Variants in LRTM2 observed in about 807,000 individuals in gnomAD.
LRTM2 encodes leucine rich repeat transmembrane protein 2, also known as leucine-rich repeat and transmembrane domain-containing protein 2.
A neutral mutation model predicts 28.1 loss-of-function variants in LRTM2; 18 were observed. That is an observed-to-expected ratio of 0.64 (90% CI 0.44 to 0.95). LRTM2 has a LOEUF of 0.95. Among genes scored for constraint, LRTM2 ranks in the 40% least tolerant of loss-of-function variants. The pLI is 0.00. For synonymous variants in LRTM2, 250 were observed against 218.7 expected, an observed-to-expected ratio of 1.14 and a Z score of -1.26; for missense variants, 436 against 497.2, an observed-to-expected ratio of 0.88 and a Z score of 1.17.
In LRTM2 at chr12:1,821,721, C is replaced by G. The variant is rs564017974; in HGVS notation, c.-259+907C>G. Reference sequence around the variant, plus strand: ...GGACAGTTGCTCTCAATCCCCCAGACCCATTTGGACAGTGCTGGAGAGAGG... The same window carrying G: ...GGACAGTTGCTCTCAATCCCCCAGAGCCATTTGGACAGTGCTGGAGAGAGG... On this transcript the variant is annotated intron_variant, in intron 1 of 4. Coordinates refer to ENST00000299194, the MANE Select transcript of LRTM2 (RefSeq NM_001039029.3). Among the ~76,000 whole-genome samples, 324 of 152,246 alleles carry G rather than the reference C, an allele frequency of 2.1e-3. 1 individual carries two copies. The highest frequency in any genetic ancestry group is 7.6e-3 in the African/African-American group (314 of 41,540).
rs531940617 is a variant in LRTM2, at chr12:1,827,999, C to A, written c.-73-77C>A. The A allele has an allele frequency of 2.4e-4, 132 of 559,020 alleles. 1 individual carries two copies. Among genetic ancestry groups the A allele is most frequent in the Middle Eastern group, 4.9e-4 (1 of 2,060 alleles). 34.6% of individuals were successfully genotyped at this position (559,020 alleles called of 1,614,324 possible). ...GGGCATGAGGAGTGTAAAGAGACAC[C>A]CGGGCCCTCTCCCTAACCCCTGGGC... On this transcript the variant is annotated intron_variant, in intron 2 of 4. Transcript: ENST00000299194.
At position 1,834,114 on chromosome 12, in the gene LRTM2, C is replaced by T. The variant is rs577321509; in HGVS notation, c.659-153C>T. ...TCAATCAATGCTGTTTTCCCTCCTCCGCTTCCTCTTCTATAGATGGTGATT... is the reference window on the plus strand; with the variant it reads ...TCAATCAATGCTGTTTTCCCTCCTCTGCTTCCTCTTCTATAGATGGTGATT... On this transcript the variant is annotated intron_variant, in intron 4 of 4. Coordinates refer to ENST00000299194, the MANE Select transcript of LRTM2 (RefSeq NM_001039029.3). This position sits in a 1 kb window ranked among gnomAD's most constrained non-coding sequence, Gnocchi z 7.6. Among the ~76,000 whole-genome samples the T allele has an allele frequency of 2.0e-5, 3 of 152,354 alleles. No individual in the cohort carries two copies. The highest frequency in any genetic ancestry group is 2.1e-4 in the South Asian group (1 of 4,824).
At chr12:1,831,712 C>A (rs940244249) in intron 4 of LRTM2, among the ~76,000 whole-genome samples, 187 bp downstream of exon 4, 2 of 152,154 alleles carry the variant, frequency 1.3e-5, no homozygotes, top group African/African-American at 4.8e-5. Flanking sequence ...ATCACCCTTC[C>A]TGCCAATGGG....
At position 1,822,981 on chromosome 12, in the gene LRTM2, C is replaced by T. The variant is rs184969994; in HGVS notation, c.-259+2167C>T. On this transcript the variant is annotated intron_variant, in intron 1 of 4. Transcript: ENST00000299194. ...TGCAGGCCCAGGGTGTGGGCCCAGT[C>T]GTGGCTCTGCTTCTCTCTGGCCTTC... Among the ~76,000 whole-genome samples the T allele has an allele frequency of 1.3e-3, 196 of 152,334 alleles. 1 individual carries two copies. The highest frequency in any genetic ancestry group is 4.5e-3 in the African/African-American group (186 of 41,586).
rs1159919947 is a variant in LRTM2 at position 1,830,840 on chromosome 12, C to T, written c.68-95C>T. On this transcript the variant is annotated intron_variant, in intron 3 of 4. Transcript: ENST00000299194. ...TGGCTTGTGCCAAAGGAGATAAAGCCAAGAGCCTGTTATGAGCTAGAAAGG... is the reference window on the plus strand; with the variant it reads ...TGGCTTGTGCCAAAGGAGATAAAGCTAAGAGCCTGTTATGAGCTAGAAAGG... 5 of 1,048,584 alleles carry T rather than the reference C, an allele frequency of 4.8e-6. No homozygotes were observed. The East Asian group carries it at 1.1e-4, about 22-fold the overall frequency. 65.0% of individuals were successfully genotyped at this position (1,048,584 alleles called of 1,614,324 possible). A position where few individuals can be genotyped will look rare whatever the true frequency, so the allele number is the denominator to read the frequency against.
chr12:1,828,339 C>A lies in LRTM2; in HGVS notation c.67+124C>A, dbSNP rs1462072074. 7.0e-6 allele frequency: 6 copies of A among 853,704 alleles called. No homozygotes were observed. The highest frequency in any genetic ancestry group is 1.8e-5 in the African/African-American group (1 of 56,880). 52.9% of individuals were successfully genotyped at this position (853,704 alleles called of 1,614,324 possible). A position where few individuals can be genotyped will look rare whatever the true frequency, so the allele number is the denominator to read the frequency against. Reference sequence around the variant, plus strand: ...GCAGGGAGGCCTACGCCAGATCTTCCTGGGGTACCCGAGGCTATGTTCTGG... The same window carrying A: ...GCAGGGAGGCCTACGCCAGATCTTCATGGGGTACCCGAGGCTATGTTCTGG... On this transcript the variant is annotated intron_variant, in intron 3 of 4. Transcript: ENST00000299194. The surrounding 1 kb of genome is among the most constrained non-coding windows in gnomAD (Gnocchi z 4.2).
chr12:1,830,055 C>T (rs897274045), intron 3 of LRTM2, among the ~76,000 whole-genome samples: 10 of 152,190 alleles, frequency 6.6e-5, no homozygotes, highest in African/African-American at 2.2e-4. Context: ...GGGTCTTGGG[C>T]AAAAGATGGG....
Position 1,834,047 on chromosome 12 carries a change from G to A in LRTM2, c.659-220G>A, listed in dbSNP as rs570712629. Among the ~76,000 whole-genome samples, 67 of 152,230 alleles carry A rather than the reference G, an allele frequency of 4.4e-4. No homozygotes were observed. Among genetic ancestry groups the A allele is most frequent in the Non-Finnish European group, 7.3e-4 (50 of 68,044 alleles). Reference sequence around the variant, plus strand: ...TATCCATTTCACATGGCTTCTGCGAGGATGAAATGGCACGATATACGTAAC... The same window carrying A: ...TATCCATTTCACATGGCTTCTGCGAAGATGAAATGGCACGATATACGTAAC... On this transcript the variant is annotated intron_variant, in intron 4 of 4. Coordinates refer to ENST00000299194, the MANE Select transcript of LRTM2 (RefSeq NM_001039029.3). The surrounding 1 kb of genome is among the most constrained non-coding windows in gnomAD (Gnocchi z 7.6).
At chr12:1,822,535 C>G (rs1236118810) in intron 1 of LRTM2, among the ~76,000 whole-genome samples, 4 of 152,198 alleles carry the variant, frequency 2.6e-5, no homozygotes, top group African/African-American at 7.2e-5. Flanking sequence ...ATGTCAGGGA[C>G]CAGCTCCCAT....
At position 1,828,606 on chromosome 12, in the gene LRTM2, C is replaced by A. The variant is rs1864470850; in HGVS notation, c.67+391C>A. 6.6e-6 allele frequency among the ~76,000 whole-genome samples: 1 copy of A among 152,212 alleles called. No individual in the cohort carries two copies. The highest frequency in any genetic ancestry group is 1.5e-5 in the Non-Finnish European group (1 of 68,040). On this transcript the variant is annotated intron_variant, in intron 3 of 4. Coordinates refer to ENST00000299194, the MANE Select transcript of LRTM2 (RefSeq NM_001039029.3). This position sits in a 1 kb window ranked among gnomAD's most constrained non-coding sequence, Gnocchi z 4.2. ...GCCTGTGTCACAGACTGCGGCGAGC[C>A]CTTTTGCTCCCGTGGGGAACTGCCC...
chr12:1,822,350 G>T (rs1378274842), intron 1 of LRTM2, among the ~76,000 whole-genome samples: 1 of 152,110 alleles, frequency 6.6e-6, no homozygotes, highest in African/African-American at 2.4e-5. Flanking sequence ...GGGAGTTCTG[G>T]GGGTGGGCAG....
rs1337466652 is a variant in LRTM2, at chr12:1,828,452, C to T, written c.67+237C>T. Among the ~76,000 whole-genome samples the T allele has an allele frequency of 2.0e-5, 3 of 152,234 alleles. No homozygotes were observed. The highest frequency in any genetic ancestry group is 4.4e-5 in the Non-Finnish European group (3 of 68,032). ...AGTGGTTAGACCTGGAGCTGGAGGC[C>T]ACGACAGTTGTTCTACCTCCCCCAG... On this transcript the variant is annotated intron_variant, in intron 3 of 4. Coordinates refer to ENST00000299194, the MANE Select transcript of LRTM2 (RefSeq NM_001039029.3). The surrounding 1 kb of genome is among the most constrained non-coding windows in gnomAD (Gnocchi z 4.2).
At chr12:1,825,978 G>C (rs1466379558) in intron 1 of LRTM2, among the ~76,000 whole-genome samples, 1 of 152,234 alleles carries the variant, frequency 6.6e-6, no homozygotes, top group Non-Finnish European at 1.5e-5. Context: ...GGGACAGAGA[G>C]CGTGCACGCT....
At chr12:1,831,717 A>T (rs1230911600) in intron 4 of LRTM2, among the ~76,000 whole-genome samples, 192 bp downstream of exon 4, 1 of 152,032 alleles carries the variant, frequency 6.6e-6, no homozygotes, top group African/African-American at 2.4e-5. Flanking sequence ...CCTTCCTGCC[A>T]ATGGGAGAGA....
rs1864511502 is a variant in LRTM2 at position 1,829,296 on chromosome 12, T to C, written c.67+1081T>C. On this transcript the variant is annotated intron_variant, in intron 3 of 4. Coordinates refer to ENST00000299194, the MANE Select transcript of LRTM2 (RefSeq NM_001039029.3). The surrounding 1 kb of genome is among the most constrained non-coding windows in gnomAD (Gnocchi z 4.2). ...AGGGAGCTGAATGCGTTGGATTTTA[T>C]TTCCTGGGGAAAGTCAAGTCTGAAG... Among the ~76,000 whole-genome samples the C allele has an allele frequency of 6.6e-6, 1 of 152,158 alleles. No homozygotes were observed. The highest frequency in any genetic ancestry group is 2.4e-5 in the African/African-American group (1 of 41,422).
Position 1,831,409 on chromosome 12 carries a change from G to A in LRTM2, c.542G>A (p.Arg181Gln), listed in dbSNP as rs1246612489. 5.6e-6 allele frequency: 9 copies of A among 1,614,006 alleles called. No individual in the cohort carries two copies. Among genetic ancestry groups the A allele is most frequent in the Admixed American group, 3.3e-5 (2 of 60,004 alleles). The change falls in exon 4 of 5, where the codon CGG becomes CAG. Residue 181 changes from arginine (R) to glutamine (Q), a missense_variant. Arg to Gln is a conservative substitution (Grantham distance 43). Coordinates refer to ENST00000299194, the MANE Select transcript of LRTM2 (RefSeq NM_001039029.3). ...LRSNRLQNLD[R>Q]LTFEPLANLQ... is the part of the protein sequence containing the mutation. Reference sequence around the variant, plus strand: ...TCCAACCGTCTGCAGAATCTGGACCGGCTGACATTTGAACCCCTAGCAAAC... The same window carrying A: ...TCCAACCGTCTGCAGAATCTGGACCAGCTGACATTTGAACCCCTAGCAAAC...
Position 1,829,344 on chromosome 12 carries a change from G to A in LRTM2, c.67+1129G>A, listed in dbSNP as rs77732151. ...AAGAATGCTGATTTTCAAATGGCTT[G>A]GGGTGGTGGTATGGGGCTGGCTGAT... On this transcript the variant is annotated intron_variant, in intron 3 of 4. Coordinates refer to ENST00000299194, the MANE Select transcript of LRTM2 (RefSeq NM_001039029.3). This position sits in a 1 kb window ranked among gnomAD's most constrained non-coding sequence, Gnocchi z 4.2. Among the ~76,000 whole-genome samples the A allele has an allele frequency of 0.053, 8,109 of 152,224 alleles. 283 individuals carry two copies. The highest frequency in any genetic ancestry group is 0.089 in the Admixed American group (1,365 of 15,288).
intron 4 of LRTM2, among the ~76,000 whole-genome samples, chr12:1,831,776 C>T (rs1197440609): frequency 1.9e-4 from 23 of 123,704 alleles, no homozygotes; most frequent in African/African-American, 6.8e-4. Flanking sequence ...TGCTCTGCAT[C>T]CCCTCCCCCA....
chr12:1,830,382 T>G (rs1363749306), intron 3 of LRTM2, among the ~76,000 whole-genome samples: 2 of 152,350 alleles, frequency 1.3e-5, no homozygotes, highest in Non-Finnish European at 2.9e-5. Flanking sequence ...AGTGCTGTTT[T>G]GTGCTCTCGC....
Sources: allele counts gnomAD v4.1 joint callset (sites outside exome capture counted in the v4.1 genomes callset), GRCh38; gene constraint gnomAD v4.1.1; non-coding constraint Gnocchi (gnomAD v3.1); transcripts MANE v1.5; gene names NCBI Gene and HGNC (gene_info 2026-07-23, HGNC 2026-07-21).